NGEF: variants seen among roughly 807,000 people sequenced by gnomAD.
NGEF encodes the protein ephexin-1.
Under a neutral mutation model 80.9 loss-of-function variants are expected in NGEF, and 31 were observed. That is an observed-to-expected ratio of 0.38 (90% CI 0.29 to 0.52). The LOEUF (loss-of-function observed/expected upper bound fraction) is 0.52. Among genes scored for constraint, NGEF ranks in the 20% least tolerant of loss-of-function variants. The probability of loss-of-function intolerance (pLI) is 0.84; values close to 1 mark genes in which losing one functional copy is unlikely to be tolerated. For missense variants in NGEF, 709 were observed against 926.2 expected (o/e 0.77, Z 3.04); for synonymous variants, 371 against 370.2 (o/e 1.00, Z -0.03).
intron 4 of NGEF, 129 bp downstream of exon 4, chr2:232,926,915 T>A: frequency 1.6e-6 from 2 of 1,222,026 alleles, no homozygotes; most frequent in Non-Finnish European, 2.3e-6. Context: ...TGTCAAAAGC[T>A]TTCCTTACCC....
intron 1 of NGEF, among the ~76,000 whole-genome samples, chr2:233,011,944 G>A (rs1695216538): frequency 6.6e-6 from 1 of 152,168 alleles, no homozygotes; most frequent in African/African-American, 2.4e-5. Flanking sequence ...GGTGGAGGGA[G>A]GTGGTCTGTG....
In NGEF at chr2:232,956,180, G is replaced by A. The variant is rs569512550; in HGVS notation, c.383+14034C>T. Among the ~76,000 whole-genome samples, 150 of 152,194 alleles carry A rather than the reference G, an allele frequency of 9.9e-4. 2 individuals carry two copies. Among genetic ancestry groups the A allele is most frequent in the Non-Finnish European group, 1.7e-3 (117 of 68,016 alleles). ...CCGAGGCCACATGCTGCTATAAAGA[G>A]GATCCAGGGCTCAACCACTCTGAGT... On this transcript the variant is annotated intron_variant, in intron 3 of 14. Coordinates refer to ENST00000264051, the MANE Select transcript of NGEF (RefSeq NM_019850.3).
chr2:233,001,645 G>C (rs1407325873), intron 1 of NGEF, among the ~76,000 whole-genome samples: 1 of 152,222 alleles, frequency 6.6e-6, no homozygotes, highest in Non-Finnish European at 1.5e-5. Flanking sequence ...GGGTGAGTGA[G>C]TTTTTCAAGA....
intron 5 of NGEF, among the ~76,000 whole-genome samples, chr2:232,908,533 TCATGTAGTCATTGGC>T (rs947275989): frequency 2.0e-5 from 3 of 152,222 alleles, no homozygotes; most frequent in Middle Eastern, 3.4e-3. Flanking sequence ...TTTTCTTTTT[TCATGTAGTCATTGGC>T]CATTTGTATT....
At chr2:232,991,384 A>G (rs943863501) in intron 1 of NGEF, among the ~76,000 whole-genome samples, 1 of 152,126 alleles carries the variant, frequency 6.6e-6, no homozygotes, top group Non-Finnish European at 1.5e-5. Flanking sequence ...GAACTAATAA[A>G]CAAGTTCAGC....
chr2:232,956,629 T>C (rs1456957357), intron 3 of NGEF, among the ~76,000 whole-genome samples: 3 of 151,836 alleles, frequency 2.0e-5, no homozygotes, highest in African/African-American at 7.3e-5. Flanking sequence ...TAGCTGGGGA[T>C]GATGGCAGGT....
intron 1 of NGEF, among the ~76,000 whole-genome samples, chr2:232,983,112 G>A (rs973014592): frequency 3.3e-5 from 5 of 152,214 alleles, no homozygotes; most frequent in Admixed American, 1.3e-4. Flanking sequence ...TGTTCTGAGC[G>A]TGAACAAAGG....
At chr2:233,011,336 G>A (rs182463473) in intron 1 of NGEF, among the ~76,000 whole-genome samples, 16 of 152,252 alleles carry the variant, frequency 1.1e-4, no homozygotes, top group Non-Finnish European at 1.9e-4. Context: ...TCCTTACTCG[G>A]GAAGCAATGG....
chr2:232,952,970 CAAAAAAAAAAAAAAAA>C (rs57198276), intron 3 of NGEF, among the ~76,000 whole-genome samples: 26,389 of 73,584 alleles, frequency 0.36, 2,813 homozygotes, highest in East Asian at 0.5. Context: ...AGACAGCCCT[CAAAAAAAAAAAAAAAA>C]AAAAAAAAAA....
At chr2:232,905,885 G>T (rs1482560699) in intron 5 of NGEF, 3 of 189,020 alleles carry the variant, frequency 1.6e-5, no homozygotes, top group Admixed American at 6.3e-5. Flanking sequence ...CCCCGTCCGG[G>T]AGGGAGGTGG....
intron 3 of NGEF, among the ~76,000 whole-genome samples, chr2:232,933,145 A>T (rs1199266423): frequency 6.6e-6 from 1 of 150,954 alleles, no homozygotes; most frequent in East Asian, 1.9e-4. Context: ...TAAATAAATA[A>T]ATAAATGGCA....
intron 3 of NGEF, among the ~76,000 whole-genome samples, chr2:232,943,931 G>A (rs1693495096): frequency 6.6e-6 from 1 of 151,758 alleles, no homozygotes; most frequent in East Asian, 1.9e-4. Flanking sequence ...TTGACACTAA[G>A]TAATAGAACT....
intron 3 of NGEF, among the ~76,000 whole-genome samples, chr2:232,933,940 G>A (rs2106290961): frequency 6.6e-6 from 1 of 152,254 alleles, no homozygotes; most frequent in South Asian, 2.1e-4. Context: ...TTCATCAGGA[G>A]CCAGACAAAA....
rs74485172 is a variant in NGEF at position 232,938,369 on chromosome 2, G to A, written c.384-11183C>T. On this transcript the variant is annotated intron_variant, in intron 3 of 14. Transcript: ENST00000264051. ...CGCATAGCCTTCATGGAAACGAATT[G>A]CCTAAAACAGGCTGCCCCAGATAAC... 4.5e-3 allele frequency among the ~76,000 whole-genome samples: 686 copies of A among 152,250 alleles called. 7 individuals carry two copies. Among genetic ancestry groups the A allele is most frequent in the African/African-American group, 0.016 (657 of 41,554 alleles).
chr2:232,969,809 G>A (rs770955576), intron 3 of NGEF, among the ~76,000 whole-genome samples: 17 of 151,156 alleles, frequency 1.1e-4, no homozygotes, highest in South Asian at 4.2e-4. Flanking sequence ...CCACCACGCC[G>A]GCTGTGATTT....
chr2:232,891,321 G>A (rs1559194182), intron 8 of NGEF, 37 bp downstream of exon 8: 1 of 1,610,914 alleles, frequency 6.2e-7, no homozygotes, highest in Non-Finnish European at 8.5e-7. Flanking sequence ...CAAAGCCTGG[G>A]AAGCCCCGTC....
chr2:232,888,372 C>CACA (rs5839454), intron 8 of NGEF, among the ~76,000 whole-genome samples: 1 of 151,822 alleles, frequency 6.6e-6, no homozygotes, highest in Non-Finnish European at 1.5e-5. Context: ...CACATGCACA[C>CACA]CGTGTAGAAA....
intron 3 of NGEF, among the ~76,000 whole-genome samples, chr2:232,939,972 G>T (rs528536970): frequency 4.6e-5 from 7 of 151,184 alleles, no homozygotes; most frequent in Non-Finnish European, 8.8e-5. Context: ...ACTCCAGCCC[G>T]AGCGACAGAG....
chr2:232,900,206 T>A, intron 5 of NGEF, among the ~76,000 whole-genome samples: 1 of 122,530 alleles, frequency 8.2e-6, no homozygotes, highest in African/African-American at 3.4e-5. Context: ...TCACAGTCAC[T>A]CATATACACG....
Sources: allele counts gnomAD v4.1 joint callset (sites outside exome capture counted in the v4.1 genomes callset), GRCh38; gene constraint gnomAD v4.1.1; transcripts MANE v1.5; gene names NCBI Gene and HGNC (gene_info 2026-07-23, HGNC 2026-07-21).